Variants in HLCS observed in about 807,000 individuals in gnomAD.
HLCS encodes the protein holocarboxylase synthetase, also known as biotin--protein ligase.
In HLCS, 53 loss-of-function variants were observed where a neutral mutation model predicts 75.0. The observed-to-expected ratio is 0.71, with a 90% CI of 0.57 to 0.89. The LOEUF is 0.89. Ranked by LOEUF, HLCS falls within the 40% of genes least tolerant of loss-of-function variation. The probability of loss-of-function intolerance (pLI) is 0.00; values close to 1 mark genes in which losing one functional copy is unlikely to be tolerated. For synonymous variants in HLCS, 431 were observed against 428.6 expected (o/e 1.01, Z -0.07); for missense variants, 966 against 1,074.0 (o/e 0.90, Z 1.41).
intron 6 of HLCS, among the ~76,000 whole-genome samples, chr21:36,793,295 C>CTTTTTTTTTTTTTTTTTTTTTT (rs761549990): frequency 9.5e-5 from 11 of 116,250 alleles, no homozygotes; most frequent in African/African-American, 3.2e-4. Context: ...AGGAAGCAGT[C>CTTTTTTTTTTTTTTTTTTTTTT]TTTTTTTTTT....
chr21:36,966,666 C>T lies in HLCS; in HGVS notation c.-28G>A, dbSNP rs1407302658. ...CCGCGCCGCCGGCAGGGCGAGCCCGCCTTGCCCGCCCGCCCCAGCGCCCCA... is the reference window on the plus strand; with the variant it reads ...CCGCGCCGCCGGCAGGGCGAGCCCGTCTTGCCCGCCCGCCCCAGCGCCCCA... On this transcript the variant is annotated 5_prime_UTR_variant, in exon 1 of 11. Coordinates refer to ENST00000674895, the MANE Select transcript of HLCS (RefSeq NM_001352514.2). 7 of 962,812 alleles carry T rather than the reference C, an allele frequency of 7.3e-6. No individual in the cohort carries two copies. Among genetic ancestry groups the T allele is most frequent in the Non-Finnish European group, 8.6e-6 (7 of 812,328 alleles). The allele number at this position is 962,812 out of a possible 1,614,324, so 59.6% of individuals were successfully genotyped here. A position where few individuals can be genotyped will look rare whatever the true frequency, so the allele number is the denominator to read the frequency against.
intron 1 of HLCS, among the ~76,000 whole-genome samples, chr21:36,985,404 G>A (rs759831954): frequency 5.3e-5 from 8 of 152,154 alleles, no homozygotes; most frequent in African/African-American, 1.2e-4. Flanking sequence ...AGGCCAAGGC[G>A]GGCGGATCAC....
rs181137248 is a variant in HLCS, at chr21:36,813,776, A to G, written c.1893-46491T>C. ...CTCCATCATCTGGAAGTACCTAACA[A>G]TAAGAAATATTAGGTCACAAGCTGT... On this transcript the variant is annotated intron_variant, in intron 6 of 10. Transcript: ENST00000674895. Among the ~76,000 whole-genome samples, 550 of 152,338 alleles carry G rather than the reference A, an allele frequency of 3.6e-3. 3 individuals carry two copies. The highest frequency in any genetic ancestry group is 0.013 in the African/African-American group (525 of 41,576).
intron 5 of HLCS, among the ~76,000 whole-genome samples, chr21:36,919,696 T>G (rs1300068773): frequency 6.6e-6 from 1 of 152,222 alleles, no homozygotes; most frequent in Non-Finnish European, 1.5e-5. Flanking sequence ...TGCTATATAG[T>G]GTATTGATAA....
At chr21:36,887,307 AT>A (rs2064513562) in intron 6 of HLCS, among the ~76,000 whole-genome samples, 1 of 152,208 alleles carries the variant, frequency 6.6e-6, no homozygotes, top group African/African-American at 2.4e-5. Context: ...AGACATCAAC[AT>A]CAACGCTGAG....
At chr21:36,947,877 C>G in intron 2 of HLCS, 1 of 985,406 alleles carries the variant, frequency 1.0e-6, no homozygotes, top group South Asian at 4.7e-5. Context: ...ATCACGGATG[C>G]TGCTAATTTT....
At chr21:36,823,304 G>A (rs1389329015) in intron 6 of HLCS, among the ~76,000 whole-genome samples, 2 of 152,152 alleles carry the variant, frequency 1.3e-5, no homozygotes, top group African/African-American at 4.8e-5. Context: ...TGTGAAATAT[G>A]GAATTACTCG....
chr21:36,891,965 G>T (rs1352046091), intron 6 of HLCS, among the ~76,000 whole-genome samples: 1 of 152,154 alleles, frequency 6.6e-6, no homozygotes, highest in Non-Finnish European at 1.5e-5. Flanking sequence ...CAAGGGAGTT[G>T]CTATTAAATT....
chr21:36,858,732 G>A (rs1327187400), intron 6 of HLCS, among the ~76,000 whole-genome samples: 1 of 152,246 alleles, frequency 6.6e-6, no homozygotes, highest in African/African-American at 2.4e-5. Flanking sequence ...GCCCTGCCAT[G>A]AGGACCTCTG....
Position 36,947,147 on chromosome 21 carries a change from T to C in HLCS, c.331-8153A>G, listed in dbSNP as rs191623087. On this transcript the variant is annotated intron_variant, in intron 2 of 10. Transcript: ENST00000674895. The stretch of plus-strand genomic sequence containing the variant: ...AACCCGGAATTTAGCTGTAAAAACA[T>C]TGATTTAGCCCCCTGCGGTAGCAGG... Among the ~76,000 whole-genome samples, 73 of 152,186 alleles carry C rather than the reference T, an allele frequency of 4.8e-4. No individual in the cohort carries two copies. In the Middle Eastern group the frequency reaches 0.01, roughly 21 times the overall value.
intron 6 of HLCS, among the ~76,000 whole-genome samples, chr21:36,807,710 A>C (rs2078683615): frequency 6.6e-6 from 1 of 152,150 alleles, no homozygotes; most frequent in Non-Finnish European, 1.5e-5. Context: ...CATCCTCACC[A>C]CGACCCTGTT....
At chr21:36,762,436 G>C (rs760175489) in intron 8 of HLCS, among the ~76,000 whole-genome samples, 1 of 152,186 alleles carries the variant, frequency 6.6e-6, no homozygotes, top group Non-Finnish European at 1.5e-5. Context: ...GAGAATGGGC[G>C]GCCCAAGGCG....
intron 5 of HLCS, among the ~76,000 whole-genome samples, chr21:36,901,398 A>G (rs2065231447): frequency 6.6e-6 from 1 of 152,218 alleles, no homozygotes; most frequent in Non-Finnish European, 1.5e-5. Context: ...AAGAAAGAGG[A>G]TAAGATCCAT....
chr21:36,799,821 G>A (rs2061142962), intron 6 of HLCS, among the ~76,000 whole-genome samples: 1 of 152,188 alleles, frequency 6.6e-6, no homozygotes, highest in Non-Finnish European at 1.5e-5. Context: ...TCAGAGTCCC[G>A]AATTCAGCCC....
chr21:36,823,575 TAAC>T (rs1184952666), intron 6 of HLCS, among the ~76,000 whole-genome samples: 8 of 150,044 alleles, frequency 5.3e-5, no homozygotes, highest in African/African-American at 1.2e-4. Context: ...ACGAGGAGAC[TAAC>T]AACAGCCCAT....
At chr21:36,931,972 G>A (rs1314290114) in intron 4 of HLCS, among the ~76,000 whole-genome samples, 2 of 152,072 alleles carry the variant, frequency 1.3e-5, no homozygotes, top group Admixed American at 6.6e-5. Context: ...TGCACATTAG[G>A]TGAACCGATG....
At chr21:36,779,942 C>T (rs2145831712) in intron 6 of HLCS, among the ~76,000 whole-genome samples, 1 of 152,306 alleles carries the variant, frequency 6.6e-6, no homozygotes, top group East Asian at 1.9e-4. Flanking sequence ...ACTCCACCTC[C>T]TTTCTGTAAA....
chr21:36,966,731 C>T (rs1178790232), upstream of HLCS: 19 of 522,602 alleles, frequency 3.6e-5, no homozygotes, highest in South Asian at 1.2e-3. Context: ...GCGCCGCCCC[C>T]CCGGGCCAGG....
At chr21:36,847,500 CT>C (rs1447885173) in intron 6 of HLCS, among the ~76,000 whole-genome samples, 1 of 152,050 alleles carries the variant, frequency 6.6e-6, no homozygotes, top group Admixed American at 6.5e-5. Flanking sequence ...AGTCAGTTTG[CT>C]GGATTTTATA....
Sources: allele counts gnomAD v4.1 joint callset (sites outside exome capture counted in the v4.1 genomes callset), GRCh38; gene constraint gnomAD v4.1.1; transcripts MANE v1.5; gene names NCBI Gene and HGNC (gene_info 2026-07-23, HGNC 2026-07-21).